The following HECTD4 variants were observed in gnomAD, a reference collection of about 807,000 sequenced individuals.
The protein encoded by HECTD4 is probable E3 ubiquitin-protein ligase HECTD4.
In HECTD4, 114 loss-of-function variants were observed where a neutral mutation model predicts 471.5. The observed-to-expected ratio is 0.24, with a 90% CI of 0.21 to 0.28. The LOEUF (loss-of-function observed/expected upper bound fraction) is 0.28, where lower values mean the gene tolerates loss of function less well. HECTD4 is among the 10% of genes least tolerant of loss of function. HECTD4 has a pLI of 1.00. For missense variants in HECTD4, 3,866 were observed against 5,651.5 expected (o/e 0.68, Z 10.13); for synonymous variants, 2,012 against 2,256.0 (o/e 0.89, Z 3.07).
In HECTD4 at chr12:112,231,588, C is replaced by T. The variant is rs2033381586; in HGVS notation, c.6125G>A (p.Ser2042Asn). ...CTTTTTGTCGCCTGTGGATAGTCCA[C>T]TCACAGTCTCTGGGTTGATAGACTC... Reference protein sequence around the residue: ...PVESINPETVSGLSTGDKKKT... With the variant: ...PVESINPETVNGLSTGDKKKT... The change falls in exon 39 of 76, where the codon AGT becomes AAT. Residue 2042 changes from serine (S) to asparagine (N), a missense_variant. This residue lies in a region of HECTD4 where 617 missense variants were observed against 915.1 expected (regional missense o/e 0.67). Coordinates refer to ENST00000682272, the MANE Select transcript of HECTD4 (RefSeq NM_001388303.1). 1 of 1,613,902 alleles carries T rather than the reference C, an allele frequency of 6.2e-7. No individual in the cohort carries two copies. The highest frequency in any genetic ancestry group is 8.5e-7 in the Non-Finnish European group (1 of 1,179,910).
rs1446955860 is a variant in HECTD4, at chr12:112,216,941, G to C, written c.7237-20C>G. ...CGGGGCCTGAAGAGATGCCAGAAGA[G>C]AGCAGCAATCAGAGGGCTAATCCTG... On this transcript the variant is annotated intron_variant, in intron 46 of 75. Coordinates refer to ENST00000682272, the MANE Select transcript of HECTD4 (RefSeq NM_001388303.1). The C allele has an allele frequency of 7.4e-6, 12 of 1,610,802 alleles. No individual in the cohort carries two copies. The highest frequency in any genetic ancestry group is 2.2e-5 in the East Asian group (1 of 44,776).
In HECTD4 at chr12:112,228,081, G is replaced by T. The variant is rs770598897; in HGVS notation, c.6854+8C>A. On this transcript the variant is annotated splice_region_variant and intron_variant, in intron 43 of 75. Transcript: ENST00000682272. The surrounding 1 kb of genome is among the most constrained non-coding windows in gnomAD (Gnocchi z 4.9). ...CAGCACATAAGGCAATGTGGGGAGG[G>T]TACTCACCTTGTCCTTATTTCAGCA... The T allele has an allele frequency of 1.2e-6, 2 of 1,605,138 alleles. No individual in the cohort carries two copies. The highest frequency in any genetic ancestry group is 2.2e-5 in the South Asian group (2 of 89,412).
intron 55 of HECTD4, among the ~76,000 whole-genome samples, chr12:112,198,721 T>C (rs1282799910): frequency 6.6e-6 from 1 of 152,176 alleles, no homozygotes; most frequent in African/African-American, 2.4e-5. Flanking sequence ...CGAGAAACTT[T>C]AGGGGCTTAT....
chr12:112,165,557 T>C (rs2030913733), intron 72 of HECTD4, among the ~76,000 whole-genome samples: 1 of 151,912 alleles, frequency 6.6e-6, no homozygotes, highest in Admixed American at 6.6e-5. Flanking sequence ...TTCACTGTGT[T>C]AGCCAGGATG....
intron 7 of HECTD4, among the ~76,000 whole-genome samples, chr12:112,303,083 G>C (rs1382594573): frequency 6.6e-6 from 1 of 151,870 alleles, no homozygotes; most frequent in Non-Finnish European, 1.5e-5. Context: ...GATTCACCAG[G>C]GAGGCAAGTC....
intron 20 of HECTD4, 123 bp from the exon 21 acceptor site, chr12:112,256,641 C>T: frequency 2.0e-6 from 1 of 500,198 alleles, no homozygotes; most frequent in Non-Finnish European, 3.2e-6. Flanking sequence ...CTTTTAAATG[C>T]TTGATATCAG....
intron 8 of HECTD4, among the ~76,000 whole-genome samples, chr12:112,282,394 A>C (rs568909835): frequency 9.8e-4 from 149 of 152,220 alleles, no homozygotes; most frequent in African/African-American, 3.4e-3. Flanking sequence ...AAAAACAAAA[A>C]CAAAAACAAA....
At chr12:112,375,974 G>C (rs533625052) in intron 1 of HECTD4, among the ~76,000 whole-genome samples, 22 of 151,614 alleles carry the variant, frequency 1.5e-4, no homozygotes, top group Admixed American at 1.2e-3. Context: ...TACTTGGCAG[G>C]CTGAGGCAGG....
intron 62 of HECTD4, among the ~76,000 whole-genome samples, chr12:112,180,658 A>G (rs1008839441): frequency 6.6e-6 from 1 of 152,212 alleles, no homozygotes; most frequent in Non-Finnish European, 1.5e-5. Flanking sequence ...GTTTGACTGT[A>G]AAAGAAACAG....
intron 1 of HECTD4, among the ~76,000 whole-genome samples, chr12:112,345,259 CA>C (rs1327018943): frequency 7.3e-6 from 1 of 136,608 alleles, no homozygotes; most frequent in Non-Finnish European, 1.6e-5. Flanking sequence ...TATCCCCTAC[CA>C]AAAAAAGAAA....
At chr12:112,221,088 A>G (rs953214792) in intron 44 of HECTD4, among the ~76,000 whole-genome samples, 3 of 152,068 alleles carry the variant, frequency 2.0e-5, no homozygotes, top group Non-Finnish European at 2.9e-5. Context: ...AGCAGGTGGG[A>G]CCACAGGCGT....
chr12:112,335,718 G>A lies in HECTD4; in HGVS notation c.178-15976C>T, dbSNP rs375221057. ...CAAAAGACTATAAATTGGGTGCAGCGTATACTGCTCAGATGATGGGTGCAC... is the reference window on the plus strand; with the variant it reads ...CAAAAGACTATAAATTGGGTGCAGCATATACTGCTCAGATGATGGGTGCAC... On this transcript the variant is annotated intron_variant, in intron 1 of 75. Transcript: ENST00000682272. Among the ~76,000 whole-genome samples, 10 of 152,104 alleles carry A rather than the reference G, an allele frequency of 6.6e-5. No individual in the cohort carries two copies. The South Asian group carries it at 1.2e-3, about 19-fold the overall frequency.
intron 1 of HECTD4, among the ~76,000 whole-genome samples, chr12:112,357,795 T>C (rs2036370966): frequency 6.6e-6 from 1 of 152,254 alleles, no homozygotes; most frequent in African/African-American, 2.4e-5. Flanking sequence ...AAAATGCTAA[T>C]GTATGGTATG....
At chr12:112,270,926 C>A (rs2034399898) in intron 11 of HECTD4, among the ~76,000 whole-genome samples, 1 of 152,148 alleles carries the variant, frequency 6.6e-6, no homozygotes, top group Admixed American at 6.5e-5. Flanking sequence ...ATTAGAACTC[C>A]TGTCTATAAA....
intron 55 of HECTD4, among the ~76,000 whole-genome samples, chr12:112,199,262 GT>G (rs2032341654): frequency 6.6e-6 from 1 of 152,182 alleles, no homozygotes; most frequent in African/African-American, 2.4e-5. Flanking sequence ...CCTACTTCCT[GT>G]CCTGTATCTC....
In HECTD4 at chr12:112,319,753, A is replaced by G. The variant is rs2035548347; in HGVS notation, c.178-11T>C. ...CTCAAAGGTTAAAATCTAAGGAAAA[A>G]GACGATGGAGAAGTGGGTAAATATT... is the stretch of plus-strand genomic sequence containing the variant. On this transcript the variant is annotated splice_polypyrimidine_tract_variant and intron_variant, in intron 1 of 75. Coordinates refer to ENST00000682272, the MANE Select transcript of HECTD4 (RefSeq NM_001388303.1). This position sits in a 1 kb window ranked among gnomAD's most constrained non-coding sequence, Gnocchi z 5.3. The G allele has an allele frequency of 1.6e-6, 2 of 1,246,740 alleles. No homozygotes were observed. The highest frequency in any genetic ancestry group is 3.8e-5 in the Admixed American group (1 of 26,092). The allele number at this position is 1,246,740 out of a possible 1,614,324, so 77.2% of individuals were successfully genotyped here.
At chr12:112,357,220 T>C (rs1428172898) in intron 1 of HECTD4, among the ~76,000 whole-genome samples, 1 of 152,120 alleles carries the variant, frequency 6.6e-6, no homozygotes, top group Admixed American at 6.6e-5. Flanking sequence ...ATGATAGGCA[T>C]TTCTGTCACA....
chr12:112,324,030 C>T (rs1383713081), intron 1 of HECTD4, among the ~76,000 whole-genome samples: 1 of 46,078 alleles, frequency 2.2e-5, no homozygotes, highest in South Asian at 1.2e-3. Flanking sequence ...TCCTTCCTTC[C>T]TTCCTTCCTT....
chr12:112,170,126 C>T, intron 69 of HECTD4: 2 of 677,412 alleles, frequency 3.0e-6, no homozygotes, highest in South Asian at 1.9e-5. Flanking sequence ...GGGTGGGCCC[C>T]CGGGAGCCAA....
Sources: allele counts gnomAD v4.1 joint callset (sites outside exome capture counted in the v4.1 genomes callset), GRCh38; gene constraint gnomAD v4.1.1; regional missense constraint gnomAD v4.1.1; non-coding constraint Gnocchi (gnomAD v3.1); transcripts MANE v1.5; gene names NCBI Gene and HGNC (gene_info 2026-07-23, HGNC 2026-07-21).